Variants in THEMIS observed in about 807,000 individuals in gnomAD.
THEMIS encodes the protein thymocyte selection associated, also known as protein THEMIS.
In THEMIS, 37 loss-of-function variants were observed where a neutral mutation model predicts 52.6. That is an observed-to-expected ratio of 0.70 (90% CI 0.54 to 0.93). The LOEUF is 0.93. Among genes scored for constraint, THEMIS ranks in the 40% least tolerant of loss-of-function variants. The probability of loss-of-function intolerance (pLI) is 0.00; values close to 1 mark genes in which losing one functional copy is unlikely to be tolerated. For missense variants in THEMIS, 808 were observed against 763.1 expected, an observed-to-expected ratio of 1.06 and a Z score of -0.69; for synonymous variants, 292 against 272.7, an observed-to-expected ratio of 1.07 and a Z score of -0.70.
intron 5 of THEMIS, among the ~76,000 whole-genome samples, chr6:127,712,059 C>T (rs1774001443): frequency 6.6e-6 from 1 of 151,922 alleles, no homozygotes; most frequent in African/African-American, 2.4e-5. Context: ...TATCACTTGC[C>T]ATTGCCATCT....
chr6:127,728,706 C>CTG (rs1774638638), intron 4 of THEMIS, among the ~76,000 whole-genome samples: 2 of 152,032 alleles, frequency 1.3e-5, no homozygotes. Flanking sequence ...TGTTTACATC[C>CTG]TGTGTGTGTG....
intron 4 of THEMIS, among the ~76,000 whole-genome samples, chr6:127,787,880 T>TAGATAGATATAGATAGATAGATAG (rs200767496): frequency 4.2e-5 from 5 of 120,004 alleles, no homozygotes; most frequent in African/African-American, 1.5e-4. Flanking sequence ...GATAGATAGA[T>TAGATAGATATAGATAGATAGATAG]ATAGATAGAT....
chr6:127,794,181 AT>A (rs1406400481), intron 4 of THEMIS, among the ~76,000 whole-genome samples: 3 of 152,208 alleles, frequency 2.0e-5, no homozygotes, highest in African/African-American at 7.2e-5. Context: ...ATTTCTTATT[AT>A]CTCCATTGCT....
chr6:127,838,857 A>T (rs1466069633), intron 2 of THEMIS, among the ~76,000 whole-genome samples: 1 of 152,168 alleles, frequency 6.6e-6, no homozygotes, highest in African/African-American at 2.4e-5. Context: ...AGTGCATGGC[A>T]CTAGAGTCAA....
chr6:127,886,686 C>T (rs1480498782), intron 1 of THEMIS, among the ~76,000 whole-genome samples: 1 of 152,074 alleles, frequency 6.6e-6, no homozygotes, highest in Non-Finnish European at 1.5e-5. Flanking sequence ...ATGAACTTCT[C>T]TGGTTGAAAC....
intron 2 of THEMIS, among the ~76,000 whole-genome samples, chr6:127,838,464 CT>C (rs1176911596): frequency 1.1e-4 from 17 of 151,968 alleles, no homozygotes; most frequent in African/African-American, 3.6e-4. Context: ...GACATTTAGT[CT>C]TTTAAAAATT....
intron 1 of THEMIS, among the ~76,000 whole-genome samples, chr6:127,891,265 T>C (rs1362488062): frequency 6.6e-6 from 1 of 151,958 alleles, no homozygotes; most frequent in Non-Finnish European, 1.5e-5. Context: ...GCGCGGTGGC[T>C]CACACCTGTA....
At chr6:127,842,366 G>A (rs921052696) in intron 2 of THEMIS, among the ~76,000 whole-genome samples, 1 of 151,912 alleles carries the variant, frequency 6.6e-6, no homozygotes, top group Non-Finnish European at 1.5e-5. Context: ...CAATGTTAAT[G>A]TATCACATAT....
intron 4 of THEMIS, among the ~76,000 whole-genome samples, chr6:127,759,253 G>T (rs1775935605): frequency 6.6e-6 from 1 of 152,066 alleles, no homozygotes. Flanking sequence ...AAAATGTTAA[G>T]CAAATTAATC....
rs373000330 is a variant in THEMIS, at chr6:127,776,173, C to G, written c.1758+36710G>C. On this transcript the variant is annotated intron_variant, in intron 4 of 5. Coordinates refer to ENST00000368248, the MANE Select transcript of THEMIS (RefSeq NM_001010923.3). Reference sequence around the variant, plus strand: ...AATTTGTCTATGCTTCTAAATTTGTCAAGACTGTTTTTTATGCTCCAGGAT... The same window carrying G: ...AATTTGTCTATGCTTCTAAATTTGTGAAGACTGTTTTTTATGCTCCAGGAT... 3.9e-5 allele frequency among the ~76,000 whole-genome samples: 6 copies of G among 152,208 alleles called. No individual in the cohort carries two copies. In the South Asian group the frequency reaches 6.2e-4, roughly 16 times the overall value.
upstream of THEMIS, among the ~76,000 whole-genome samples, chr6:127,904,498 A>G (rs1016764659): frequency 3.9e-5 from 6 of 152,232 alleles, no homozygotes; most frequent in South Asian, 8.3e-4. Context: ...TCAATCCCTC[A>G]TTGGATTAAA....
chr6:127,730,316 G>GAAAAA (rs1176339654), intron 4 of THEMIS, among the ~76,000 whole-genome samples: 1 of 129,860 alleles, frequency 7.7e-6, no homozygotes, highest in Non-Finnish European at 1.5e-5. Flanking sequence ...GAAAAGAAAA[G>GAAAAA]AGAAAAAAAG....
intron 1 of THEMIS, among the ~76,000 whole-genome samples, chr6:127,894,999 GA>G (rs925661821): frequency 2.4e-4 from 34 of 142,460 alleles, no homozygotes; most frequent in African/African-American, 8.1e-4. Flanking sequence ...ATATTTATAT[GA>G]AAAAAATGTA....
intron 4 of THEMIS, among the ~76,000 whole-genome samples, chr6:127,742,902 C>T (rs1201941991): frequency 1.3e-5 from 2 of 151,922 alleles, no homozygotes; most frequent in Admixed American, 6.6e-5. Context: ...AACTGTATAC[C>T]TTTAAATATT....
At chr6:127,762,066 T>G (rs911825211) in intron 4 of THEMIS, among the ~76,000 whole-genome samples, 2 of 152,166 alleles carry the variant, frequency 1.3e-5, no homozygotes, top group African/African-American at 2.4e-5. Flanking sequence ...GGGATACTAT[T>G]CAGATTTTTT....
At chr6:127,752,300 T>C (rs1048400837) in intron 4 of THEMIS, among the ~76,000 whole-genome samples, 2 of 144,380 alleles carry the variant, frequency 1.4e-5, no homozygotes, top group African/African-American at 5.1e-5. Flanking sequence ...GGGGAGGAAA[T>C]GAATTAGAAC....
intron 4 of THEMIS, among the ~76,000 whole-genome samples, chr6:127,790,179 C>T (rs1310306992): frequency 1.3e-5 from 2 of 152,190 alleles, no homozygotes; most frequent in Non-Finnish European, 2.9e-5. Flanking sequence ...TTCAGTAAAT[C>T]TCAGGATACA....
rs1201533063 is a variant in THEMIS, at chr6:127,778,703, T to A, written c.1758+34180A>T. Among the ~76,000 whole-genome samples the A allele has an allele frequency of 2.6e-5, 4 of 152,150 alleles. No homozygotes were observed. The East Asian group carries it at 7.7e-4, about 29-fold the overall frequency. ...TTAAAAGGAAGTTCCCAGGGCATAATGTTTCATTTTCCTTATGTGTGCAGT... is the reference window on the plus strand; with the variant it reads ...TTAAAAGGAAGTTCCCAGGGCATAAAGTTTCATTTTCCTTATGTGTGCAGT... On this transcript the variant is annotated intron_variant, in intron 4 of 5. Coordinates refer to ENST00000368248, the MANE Select transcript of THEMIS (RefSeq NM_001010923.3).
Position 127,795,804 on chromosome 6 carries a change from A to G in THEMIS, c.1758+17079T>C, listed in dbSNP as rs569876173. Among the ~76,000 whole-genome samples, 5 of 152,284 alleles carry G rather than the reference A, an allele frequency of 3.3e-5. No individual in the cohort carries two copies. In the South Asian group the frequency reaches 1.0e-3, roughly 32 times the overall value. On this transcript the variant is annotated intron_variant, in intron 4 of 5. Coordinates refer to ENST00000368248, the MANE Select transcript of THEMIS (RefSeq NM_001010923.3). ...TGACACTGAAATTGCTTTTGCGCCA[A>G]CCTAATACATATCCATATTAGGAAG...
Sources: gnomAD v4.1 joint callset for allele counts (sites outside exome capture counted in the v4.1 genomes callset) on GRCh38, gnomAD v4.1.1 for gene constraint, MANE v1.5 for transcripts, NCBI Gene and HGNC (gene_info 2026-07-23, HGNC 2026-07-21) for gene names.